Variants in OR10H2 observed in about 807,000 individuals in gnomAD.
The protein encoded by OR10H2 is olfactory receptor family 10 subfamily H member 2.
In OR10H2, 1 loss-of-function variant was observed where a neutral mutation model predicts 0.8. The observed-to-expected ratio is 1.23, with a 90% CI of 0.44 to 5.84. The LOEUF is 5.84. Among genes scored for constraint, OR10H2 ranks in the 30% most tolerant of loss-of-function variants. OR10H2 has a pLI of 0.15. For missense variants in OR10H2, 355 were observed against 405.9 expected (o/e 0.87, Z 1.08); for synonymous variants, 204 against 174.3 (o/e 1.17, Z -1.34).
rs766249546 is a variant in OR10H2, at chr19:15,728,590, C to A, written c.547C>A (p.Pro183Thr). ...CCAGCATTTTTTATGTCATGTGCCA[C>A]CTCTGTTGAAGTTGGCCTGTGGAAA... ...EIQHFLCHVP[P>T]LLKLACGNNV... The change falls in exon 1 of 1, where the codon CCT becomes ACT. Residue 183 changes from proline (P) to threonine (T), a missense_variant. By Grantham distance (38) the Pro-to-Thr change is conservative (BLOSUM62 -1). Coordinates refer to ENST00000305899, the MANE Select transcript of OR10H2 (RefSeq NM_013939.2). 7.4e-6 allele frequency: 12 copies of A among 1,614,188 alleles called. No homozygotes were observed. In the South Asian group the frequency reaches 8.8e-5, roughly 12 times the overall value.
chr19:15,728,317 A>G lies in OR10H2; in HGVS notation c.274A>G (p.Ile92Val). 2 of 1,612,560 alleles carry G rather than the reference A, an allele frequency of 1.2e-6. No individual in the cohort carries two copies. The highest frequency in any genetic ancestry group is 1.3e-5 in the African/African-American group (1 of 75,018). ...LADLLSTQRS[I>V]AFLACASQMF... ...CGACCTGCTGTCCACCCAGCGCTCC[A>G]TCGCCTTCCTGGCCTGTGCCAGTCA... is the stretch of plus-strand genomic sequence containing the variant. The change falls in exon 1 of 1, where the codon ATC (isoleucine) becomes GTC (valine). Residue 92 changes from isoleucine (I) to valine (V), a missense_variant. By Grantham distance (29) the Ile-to-Val change is conservative. Transcript: ENST00000305899.
At position 15,728,236 on chromosome 19, in the gene OR10H2, G is replaced by T. The variant is rs772844697; in HGVS notation, c.193G>T (p.Val65Phe). The change falls in exon 1 of 1, where the codon GTC (valine) becomes TTC (phenylalanine). Residue 65 changes from valine (V) to phenylalanine (F), a missense_variant. This residue lies in a region of OR10H2 where 133 missense variants were observed against 194.7 expected (regional missense o/e 0.68). Transcript: ENST00000305899. The stretch of plus-strand genomic sequence containing the variant: ...CACGCCCATGTACCTCTTCCTGTGC[G>T]TCCTCTCAGTCTCCGAGATCCTCTA... ...LHTPMYLFLC[V>F]LSVSEILYTV... is the part of the protein sequence containing the mutation. 2 of 1,614,034 alleles carry T rather than the reference G, an allele frequency of 1.2e-6. No homozygotes were observed. The highest frequency in any genetic ancestry group is 1.7e-6 in the Non-Finnish European group (2 of 1,180,028).
rs780524555 is a variant in OR10H2, at chr19:15,728,709, C to A, written c.666C>A (p.Ile222=). The A allele has an allele frequency of 9.9e-6, 16 of 1,614,070 alleles. No individual in the cohort carries two copies. The East Asian group carries it at 3.6e-4, about 36-fold the overall frequency. The change falls in exon 1 of 1, where the codon ATC becomes ATA. Residue 222 remains isoleucine (I), a synonymous_variant. Coordinates refer to ENST00000305899, the MANE Select transcript of OR10H2 (RefSeq NM_013939.2). The stretch of plus-strand genomic sequence containing the variant: ...TCATCCTCCTCTCCTATGCCTTCAT[C>A]GTGGCCGACATCTTGAAGATCCCTT... ...FLLILLSYAF[I]VADILKIPSA... is the part of the protein sequence containing the mutation.
Position 15,728,131 on chromosome 19 carries a change from C to T in OR10H2, c.88C>T (p.Leu30=). The change falls in exon 1 of 1, where the codon CTG becomes TTG. Residue 30 remains leucine, a synonymous_variant. Coordinates refer to ENST00000305899, the MANE Select transcript of OR10H2 (RefSeq NM_013939.2). ...FPHLQLMLFL[L]FLLMYLFTLL... The stretch of plus-strand genomic sequence containing the variant: ...CCACCTCCAACTGATGCTCTTCCTG[C>T]TGTTCCTGCTGATGTACCTGTTCAC... 1 of 1,614,212 alleles carries T rather than the reference C, an allele frequency of 6.2e-7. No homozygotes were observed. The highest frequency in any genetic ancestry group is 8.5e-7 in the Non-Finnish European group (1 of 1,180,026).
rs1301052022 is a variant in OR10H2 at position 15,728,081 on chromosome 19, T to A, written c.38T>A (p.Ile13Asn). ...GLNHTSMSEF[I>N]LVGFSAFPHL... is the part of the protein sequence containing the mutation. ...AACCACACCTCCATGTCTGAATTCA[T>A]CCTCGTCGGCTTCTCTGCCTTCCCC... The change falls in exon 1 of 1, where the codon ATC becomes AAC. Residue 13 changes from isoleucine (I) to asparagine (N), a missense_variant. Coordinates refer to ENST00000305899, the MANE Select transcript of OR10H2 (RefSeq NM_013939.2). The A allele has an allele frequency of 1.2e-6, 2 of 1,614,012 alleles. No individual in the cohort carries two copies. Among genetic ancestry groups the A allele is most frequent in the Non-Finnish European group, 1.7e-6 (2 of 1,179,944 alleles).
chr19:15,728,107 C>T lies in OR10H2; in HGVS notation c.64C>T (p.His22Tyr), dbSNP rs1435300273. The T allele has an allele frequency of 1.2e-6, 2 of 1,614,206 alleles. No individual in the cohort carries two copies. The highest frequency in any genetic ancestry group is 1.7e-6 in the Non-Finnish European group (2 of 1,180,038). Residue 22 changes from histidine (H) to tyrosine (Y), a missense_variant, in exon 1 of 1, where the codon CAC (histidine) becomes TAC (tyrosine). Physicochemically the swap from His to Tyr is moderately conservative, Grantham distance 83 (BLOSUM62 2). Coordinates refer to ENST00000305899, the MANE Select transcript of OR10H2 (RefSeq NM_013939.2). ...FILVGFSAFP[H>Y]LQLMLFLLFL... ...CCTCGTCGGCTTCTCTGCCTTCCCC[C>T]ACCTCCAACTGATGCTCTTCCTGCT...
Position 15,729,024 on chromosome 19 carries a change from T to A in OR10H2, c.*33T>A. ...GTGTGGAAGTGCTGATAGAATATGATAGGAGGATGACCATCACCTTGTCTG... is the reference window on the plus strand; with the variant it reads ...GTGTGGAAGTGCTGATAGAATATGAAAGGAGGATGACCATCACCTTGTCTG... On this transcript the variant is annotated 3_prime_UTR_variant, in exon 1 of 1. Transcript: ENST00000305899. 1 of 1,552,414 alleles carries A rather than the reference T, an allele frequency of 6.4e-7. No homozygotes were observed. Among genetic ancestry groups the A allele is most frequent in the Non-Finnish European group, 8.8e-7 (1 of 1,135,982 alleles).
In OR10H2 at chr19:15,728,571, T is replaced by C; in HGVS notation, c.528T>C (p.His176=). 2 of 1,614,066 alleles carry C rather than the reference T, an allele frequency of 1.2e-6. No individual in the cohort carries two copies. The highest frequency in any genetic ancestry group is 8.5e-7 in the Non-Finnish European group (1 of 1,179,934). Residue 176 remains histidine, a synonymous_variant, in exon 1 of 1, where the codon CAT becomes CAC. Coordinates refer to ENST00000305899, the MANE Select transcript of OR10H2 (RefSeq NM_013939.2). ...LTFCGSHEIQ[H]FLCHVPPLLK... ...TCTGTGGATCCCATGAGATCCAGCA[T>C]TTTTTATGTCATGTGCCACCTCTGT...
Position 15,728,495 on chromosome 19 carries a change from G to A in OR10H2, c.452G>A (p.Gly151Asp), listed in dbSNP as rs2008567696. 3 of 1,612,408 alleles carry A rather than the reference G, an allele frequency of 1.9e-6. No homozygotes were observed. Among genetic ancestry groups the A allele is most frequent in the Non-Finnish European group, 2.5e-6 (3 of 1,178,800 alleles). The stretch of plus-strand genomic sequence containing the variant: ...TGCCTGGTGGGCTGCTCCTGGGCTG[G>A]TGGCTCGGTCATGGGGATGGTGGTG... ...CACLVGCSWAGGSVMGMVVTS... is the reference protein window; with the variant it reads ...CACLVGCSWADGSVMGMVVTS... Residue 151 changes from glycine to aspartate, a missense_variant, in exon 1 of 1, where the codon GGT (glycine) becomes GAT (aspartate). Physicochemically the swap from Gly to Asp is moderately conservative, Grantham distance 94. Transcript: ENST00000305899.
rs2008576940 is a variant in OR10H2, at chr19:15,729,037, A to G, written c.*46A>G. The G allele has an allele frequency of 6.6e-6, 10 of 1,504,702 alleles. No homozygotes were observed. The highest frequency in any genetic ancestry group is 1.4e-5 in the African/African-American group (1 of 72,598). 93.2% of individuals were successfully genotyped at this position (1,504,702 alleles called of 1,614,324 possible). On this transcript the variant is annotated 3_prime_UTR_variant, in exon 1 of 1. Transcript: ENST00000305899. The stretch of plus-strand genomic sequence containing the variant: ...GATAGAATATGATAGGAGGATGACC[A>G]TCACCTTGTCTGCACAGTGTGGCTA...
chr19:15,729,033 G>T lies in OR10H2; in HGVS notation c.*42G>T. 2 of 1,516,646 alleles carry T rather than the reference G, an allele frequency of 1.3e-6. No homozygotes were observed. Among genetic ancestry groups the T allele is most frequent in the South Asian group, 1.2e-5 (1 of 81,822 alleles). The allele number at this position is 1,516,646 out of a possible 1,614,324, so 93.9% of individuals were successfully genotyped here. On this transcript the variant is annotated 3_prime_UTR_variant, in exon 1 of 1. Transcript: ENST00000305899. ...TGCTGATAGAATATGATAGGAGGAT[G>T]ACCATCACCTTGTCTGCACAGTGTG...
In OR10H2 at chr19:15,728,432, T is replaced by C. The variant is rs1430135819; in HGVS notation, c.389T>C (p.Leu130Pro). 8 of 1,613,720 alleles carry C rather than the reference T, an allele frequency of 5.0e-6. No individual in the cohort carries two copies. The highest frequency in any genetic ancestry group is 2.7e-5 in the African/African-American group (2 of 74,960). The change falls in exon 1 of 1, where the codon CTG (leucine) becomes CCG (proline). Residue 130 changes from leucine to proline, a missense_variant. Around this residue, in one of 3 missense-constraint regions of OR10H2, gnomAD observed 133 missense variants for 194.7 expected, o/e 0.68. Transcript: ENST00000305899. ...CGCTACGTGGCCATCTGCCACCCCC[T>C]GCGCTACAACGTGCTCATGAGCCCA... ...YDRYVAICHPLRYNVLMSPRG... is the reference protein window; with the variant it reads ...YDRYVAICHPPRYNVLMSPRG...
rs1209886813 is a variant in OR10H2 at position 15,728,965 on chromosome 19, A to T, written c.922A>T (p.Ser308Cys). 9.3e-6 allele frequency: 15 copies of T among 1,613,826 alleles called. 1 individual carries two copies. The highest frequency in any genetic ancestry group is 1.3e-5 in the Non-Finnish European group (15 of 1,179,878). Residue 308 changes from serine (S) to cysteine (C), a missense_variant, in exon 1 of 1, where the codon AGC (serine) becomes TGC (cysteine). Transcript: ENST00000305899. ...LKVAMKRTFL[S>C]TLYSSGT ...GGTTGCCATGAAGAGGACCTTCCTC[A>T]GCACACTCTATTCCTCAGGCACCTG...
rs2008561178 is a variant in OR10H2, at chr19:15,728,182, G to A, written c.139G>A (p.Ala47Thr). ...FTLLGNLLIM[A>T]TVWSERSLHT... ...GCTGCTGGGCAACCTGCTCATCATG[G>A]CCACCGTCTGGAGCGAGCGCAGCCT... The change falls in exon 1 of 1, where the codon GCC becomes ACC. Residue 47 changes from alanine to threonine, a missense_variant. Ala to Thr is a moderately conservative substitution (Grantham distance 58). This residue lies in a region of OR10H2 where 133 missense variants were observed against 194.7 expected (regional missense o/e 0.68). Coordinates refer to ENST00000305899, the MANE Select transcript of OR10H2 (RefSeq NM_013939.2). 6.2e-7 allele frequency: 1 copy of A among 1,613,966 alleles called. No homozygotes were observed. Among genetic ancestry groups the A allele is most frequent in the African/African-American group, 1.3e-5 (1 of 74,884 alleles).
rs777018325 is a variant in OR10H2, at chr19:15,728,556, C to T, written c.513C>T (p.Ser171=). ...TTTTCCAACTGACTTTCTGTGGATCCCATGAGATCCAGCATTTTTTATGTC... is the reference window on the plus strand; with the variant it reads ...TTTTCCAACTGACTTTCTGTGGATCTCATGAGATCCAGCATTTTTTATGTC... ...SAIFQLTFCG[S]HEIQHFLCHV... The change falls in exon 1 of 1, where the codon TCC becomes TCT. Residue 171 remains serine, a synonymous_variant. Coordinates refer to ENST00000305899, the MANE Select transcript of OR10H2 (RefSeq NM_013939.2). The T allele has an allele frequency of 6.8e-6, 11 of 1,613,812 alleles. No individual in the cohort carries two copies. The highest frequency in any genetic ancestry group is 1.6e-4 in the Middle Eastern group (1 of 6,084).
rs778948240 is a variant in OR10H2 at position 15,728,987 on chromosome 19, C to T, written c.944C>T (p.Thr315Ile). 7 of 1,610,330 alleles carry T rather than the reference C, an allele frequency of 4.3e-6. No homozygotes were observed. In the South Asian group the frequency reaches 6.6e-5, roughly 15 times the overall value. Residue 315 changes from threonine (T) to isoleucine (I), a missense_variant, in exon 1 of 1, where the codon ACC (threonine) becomes ATC (isoleucine). Physicochemically the swap from Thr to Ile is moderately conservative, Grantham distance 89. Around this residue, in one of 3 missense-constraint regions of OR10H2, gnomAD observed 178 missense variants for 172.8 expected, o/e 1.03. Coordinates refer to ENST00000305899, the MANE Select transcript of OR10H2 (RefSeq NM_013939.2). The part of the protein sequence containing the change: ...TFLSTLYSSG[T>I] ...CTCAGCACACTCTATTCCTCAGGCA[C>T]CTGAGTAGCTGGTGTGGAAGTGCTG...
rs750676726 is a variant in OR10H2 at position 15,728,124 on chromosome 19, C to T, written c.81C>T (p.Leu27=). ...FSAFPHLQLM[L]FLLFLLMYLF... is the part of the protein sequence containing the mutation. ...CCTTCCCCCACCTCCAACTGATGCT[C>T]TTCCTGCTGTTCCTGCTGATGTACC... is the stretch of plus-strand genomic sequence containing the variant. Residue 27 remains leucine, a synonymous_variant, in exon 1 of 1, where the codon CTC becomes CTT. Transcript: ENST00000305899. The T allele has an allele frequency of 1.2e-6, 2 of 1,614,202 alleles. No homozygotes were observed. Among genetic ancestry groups the T allele is most frequent in the Non-Finnish European group, 1.7e-6 (2 of 1,180,022 alleles).
At position 15,728,315 on chromosome 19, in the gene OR10H2, C is replaced by A; in HGVS notation, c.272C>A (p.Ser91Tyr). 6.2e-7 allele frequency: 1 copy of A among 1,612,556 alleles called. No homozygotes were observed. The highest frequency in any genetic ancestry group is 8.5e-7 in the Non-Finnish European group (1 of 1,178,942). ...GCCGACCTGCTGTCCACCCAGCGCT[C>A]CATCGCCTTCCTGGCCTGTGCCAGT... ...MLADLLSTQR[S>Y]IAFLACASQM... The change falls in exon 1 of 1, where the codon TCC (serine) becomes TAC (tyrosine). Residue 91 changes from serine to tyrosine, a missense_variant. Transcript: ENST00000305899.
Sources: gnomAD v4.1 joint callset for allele counts on GRCh38, gnomAD v4.1.1 for gene constraint, gnomAD v4.1.1 regional missense constraint, MANE v1.5 for transcripts, NCBI Gene and HGNC (gene_info 2026-07-23, HGNC 2026-07-21) for gene names.